Variants in RASEF observed in about 807,000 individuals in gnomAD.
RASEF encodes the protein ras and EF-hand domain-containing protein.
In RASEF, 68 loss-of-function variants were observed where a neutral mutation model predicts 90.1. The ratio of observed to expected loss-of-function variants is 0.75; its 90% confidence interval spans 0.62 to 0.92. RASEF has a LOEUF of 0.92. Among genes scored for constraint, RASEF ranks in the 40% least tolerant of loss-of-function variants. The pLI, the probability that RASEF is intolerant of heterozygous loss-of-function variation, is 0.00. For missense variants in RASEF, 949 were observed against 937.2 expected (o/e 1.01, Z -0.16); for synonymous variants, 331 against 345.2 (o/e 0.96, Z 0.46).
At chr9:83,187,866 G>A in the RASEF span, among the ~76,000 whole-genome samples, 1 of 152,086 alleles carries the variant, frequency 6.6e-6, no homozygotes, top group Non-Finnish European at 1.5e-5. Flanking sequence ...CTTTTCCCCT[G>A]TGTAACAGCA....
At chr9:83,145,124 C>CA in the RASEF span, among the ~76,000 whole-genome samples, 1 of 152,074 alleles carries the variant, frequency 6.6e-6, no homozygotes, top group East Asian at 1.9e-4. Context: ...ATTTGCTACA[C>CA]AAAAAATTTC....
Position 83,061,908 on chromosome 9 carries a change from T to C in RASEF, c.431+529A>G, listed in dbSNP as rs575185928. ...AGGGATGTTATGAAAATTAAATGCG[T>C]GAACTCTGTAAAATGCCTAGCAGGT... On this transcript the variant is annotated intron_variant, in intron 1 of 16. Coordinates refer to ENST00000376447, the MANE Select transcript of RASEF (RefSeq NM_152573.4). 4.6e-5 allele frequency among the ~76,000 whole-genome samples: 7 copies of C among 152,344 alleles called. No individual in the cohort carries two copies. In the South Asian group the frequency reaches 1.4e-3, roughly 32 times the overall value.
At chr9:83,074,666 A>G in the RASEF span, among the ~76,000 whole-genome samples, 92,488 of 152,148 alleles carry the variant, frequency 0.61, 28,674 homozygotes, top group East Asian at 0.79. Context: ...TAGCTTTCAC[A>G]CTGCAAGAAA....
In RASEF at chr9:82,993,009, G is replaced by A. The variant is rs1828842994; in HGVS notation, c.1937C>T (p.Thr646Ile). The change falls in exon 15 of 17, where the codon ACT (threonine) becomes ATT (isoleucine). Residue 646 changes from threonine to isoleucine, a missense_variant. Physicochemically the swap from Thr to Ile is moderately conservative, Grantham distance 89 (BLOSUM62 -1). This residue lies in a region of RASEF where 288 missense variants were observed against 328.4 expected (regional missense o/e 0.88). Coordinates refer to ENST00000376447, the MANE Select transcript of RASEF (RefSeq NM_152573.4). ...GTTTCCTACCAGCATAATGGGAACA[G>A]TCTCATGGGCTGCATCCTACCAGGA... ...VDMIEDAAHE[T>I]VPIMLVGNKA... 1.9e-6 allele frequency: 3 copies of A among 1,613,842 alleles called. No homozygotes were observed. The highest frequency in any genetic ancestry group is 2.5e-6 in the Non-Finnish European group (3 of 1,179,878).
chr9:83,025,099 T>TTTC (rs1438528142), intron 2 of RASEF, among the ~76,000 whole-genome samples: 2 of 141,494 alleles, frequency 1.4e-5, no homozygotes, highest in African/African-American at 6.3e-5. Context: ...ATATAAATTG[T>TTTC]TTTTTTTGCA....
intron 7 of RASEF, among the ~76,000 whole-genome samples, 196 bp downstream of exon 7, chr9:83,007,241 C>T (rs1034620851): frequency 3.3e-5 from 5 of 152,084 alleles, no homozygotes; most frequent in African/African-American, 4.8e-5. Context: ...ATTCCCACAT[C>T]TGAATAATTT....
chr9:83,135,421 C>A, the RASEF span, among the ~76,000 whole-genome samples: 2 of 151,992 alleles, frequency 1.3e-5, no homozygotes, highest in Non-Finnish European at 1.5e-5. Context: ...TGCAGCAAAC[C>A]AACATGGCAC....
chr9:83,149,616 G>A, the RASEF span, among the ~76,000 whole-genome samples: 1 of 152,156 alleles, frequency 6.6e-6, no homozygotes, highest in Non-Finnish European at 1.5e-5. Flanking sequence ...AGGCCACAAT[G>A]AGGGCTTGAA....
chr9:83,113,165 A>G, the RASEF span, among the ~76,000 whole-genome samples: 1 of 152,210 alleles, frequency 6.6e-6, no homozygotes, highest in Non-Finnish European at 1.5e-5. Flanking sequence ...TTTCATGGAC[A>G]GTTATCAGTT....
chr9:83,078,371 T>C, the RASEF span, among the ~76,000 whole-genome samples: 1 of 152,150 alleles, frequency 6.6e-6, no homozygotes, highest in Admixed American at 6.5e-5. Flanking sequence ...AACACCTCTA[T>C]TAAACAGAAA....
At chr9:83,092,003 C>CTTTTTTTTTTTTTT in the RASEF span, among the ~76,000 whole-genome samples, 55 of 35,828 alleles carry the variant, frequency 1.5e-3, 4 homozygotes, top group East Asian at 3.1e-3. Flanking sequence ...TCTTTTATTT[C>CTTTTTTTTTTTTTT]TTTTTTTTTT....
intron 16 of RASEF, among the ~76,000 whole-genome samples, chr9:82,987,540 G>T (rs181503995): frequency 1.3e-5 from 2 of 152,086 alleles, no homozygotes; most frequent in East Asian, 3.9e-4. Flanking sequence ...ACACGTGGCT[G>T]ACCCAACATG....
At chr9:82,988,931 T>C (rs1828762644) in intron 16 of RASEF, among the ~76,000 whole-genome samples, 3 of 152,242 alleles carry the variant, frequency 2.0e-5, no homozygotes, top group Admixed American at 2.0e-4. Context: ...GCACTGTTTT[T>C]GCTTTAAACA....
intron 1 of RASEF, among the ~76,000 whole-genome samples, chr9:83,029,726 T>C (rs1348707106): frequency 2.0e-5 from 3 of 152,076 alleles, no homozygotes; most frequent in Non-Finnish European, 1.5e-5. Context: ...CTTGTTCTTA[T>C]AAACAAACTG....
At chr9:83,119,515 AAC>A in the RASEF span, among the ~76,000 whole-genome samples, 1 of 152,222 alleles carries the variant, frequency 6.6e-6, no homozygotes, top group Non-Finnish European at 1.5e-5. Flanking sequence ...AAGCTGAAGC[AAC>A]AGCTCTGGTC....
At chr9:83,166,840 C>T in the RASEF span, among the ~76,000 whole-genome samples, 1 of 152,292 alleles carries the variant, frequency 6.6e-6, no homozygotes, top group Admixed American at 6.5e-5. Flanking sequence ...CTCAGGTAGA[C>T]CCCCAGTATC....
chr9:83,068,726 G>A, the RASEF span, among the ~76,000 whole-genome samples: 1 of 152,182 alleles, frequency 6.6e-6, no homozygotes, highest in Non-Finnish European at 1.5e-5. Context: ...TAAATGAGTG[G>A]TGTTTCAAGT....
At chr9:83,208,137 A>G in the RASEF span, among the ~76,000 whole-genome samples, 1 of 152,004 alleles carries the variant, frequency 6.6e-6, no homozygotes, top group Non-Finnish European at 1.5e-5. Flanking sequence ...CAGCCTCTGG[A>G]TGGGGTCGTC....
intron 5 of RASEF, among the ~76,000 whole-genome samples, chr9:83,010,711 TAA>T (rs1206878853): frequency 2.0e-5 from 3 of 152,034 alleles, no homozygotes; most frequent in Non-Finnish European, 4.4e-5. Flanking sequence ...GTGGCTCCTG[TAA>T]AAAAAGCTAA....
Sources: allele counts gnomAD v4.1 joint callset (sites outside exome capture counted in the v4.1 genomes callset), GRCh38; gene constraint gnomAD v4.1.1; regional missense constraint gnomAD v4.1.1; transcripts MANE v1.5; gene names NCBI Gene and HGNC (gene_info 2026-07-23, HGNC 2026-07-21).